The following FAT3 variants were observed in gnomAD, a reference collection of about 807,000 sequenced individuals.
FAT3 encodes protocadherin Fat 3.
In FAT3, 95 loss-of-function variants were observed where a neutral mutation model predicts 310.2. That is an observed-to-expected ratio of 0.31 (90% confidence interval 0.26 to 0.36). FAT3 has a LOEUF of 0.36. Ranked by LOEUF, FAT3 falls within the 10% of genes least tolerant of loss-of-function variation. The pLI, the probability that FAT3 is intolerant of heterozygous loss-of-function variation, is 1.00. For synonymous variants in FAT3, 2,314 were observed against 2,192.9 expected (o/e 1.06, Z -1.54); for missense variants, 5,408 against 5,715.6 (o/e 0.95, Z 1.74).
intron 7 of FAT3, among the ~76,000 whole-genome samples, chr11:92,788,709 AC>A (rs1436583211): frequency 1.3e-5 from 2 of 152,158 alleles, no homozygotes; most frequent in Admixed American, 6.5e-5. Flanking sequence ...AGGAAATTGA[AC>A]CTTAGCAAGC....
At position 92,354,677 on chromosome 11, in the gene FAT3, C is replaced by T. The variant is rs563685535; in HGVS notation, c.2565C>T (p.Ala855=). 2.5e-6 allele frequency: 4 copies of T among 1,613,806 alleles called. No individual in the cohort carries two copies. In the African/African-American group the frequency reaches 4.0e-5, roughly 16 times the overall value. The change falls in exon 2 of 28, where the codon GCC becomes GCT. Residue 855 remains alanine (A), a synonymous_variant. Transcript: ENST00000525166. ...GIGTEIIQVE[A]RDKDLGSNGE... The stretch of plus-strand genomic sequence containing the variant: ...GTACTGAAATCATTCAAGTGGAAGC[C>T]AGAGACAAAGACTTAGGTTCTAATG...
At position 92,890,977 on chromosome 11, in the gene FAT3, C is replaced by T. The variant is rs2136449318; in HGVS notation, c.13634C>T (p.Ser4545Leu). The T allele has an allele frequency of 1.2e-6, 2 of 1,613,938 alleles. No individual in the cohort carries two copies. Among genetic ancestry groups the T allele is most frequent in the Non-Finnish European group, 1.7e-6 (2 of 1,179,856 alleles). The change falls in exon 28 of 28, where the codon TCA (serine) becomes TTA (leucine). Residue 4545 changes from serine to leucine, a missense_variant. Ser to Leu is a moderately radical substitution (Grantham distance 145). Coordinates refer to ENST00000525166, the MANE Select transcript of FAT3 (RefSeq NM_001367949.2). Reference protein sequence around the residue: ...SLSLHNSRGTSSSDVSANCGF... With the variant: ...SLSLHNSRGTLSSDVSANCGF... ...TCCTTGCACAATTCCAGAGGCACCT[C>T]ATCCTCGGATGTGTCTGCCAACTGC...
chr11:92,731,432 A>G (rs1171379382), intron 4 of FAT3, among the ~76,000 whole-genome samples: 2 of 151,916 alleles, frequency 1.3e-5, no homozygotes, highest in African/African-American at 2.4e-5. Context: ...GTTGAGAAAT[A>G]TGGACCTAGA....
chr11:92,431,386 A>C (rs577446881), intron 2 of FAT3, among the ~76,000 whole-genome samples: 1 of 151,990 alleles, frequency 6.6e-6, no homozygotes, highest in South Asian at 2.1e-4. Context: ...AATTTGTTTG[A>C]GTTCATTGTA....
chr11:92,530,899 A>G (rs1486350261), intron 3 of FAT3, among the ~76,000 whole-genome samples: 1 of 92,148 alleles, frequency 1.1e-5, no homozygotes, highest in Non-Finnish European at 2.1e-5. Flanking sequence ...ATAGGGATTT[A>G]AAGAAAAAAA....
chr11:92,476,188 A>G (rs1167146378), intron 2 of FAT3, among the ~76,000 whole-genome samples: 1 of 152,106 alleles, frequency 6.6e-6, no homozygotes, highest in Non-Finnish European at 1.5e-5. Context: ...GACTTGGGAT[A>G]CGCATATCAA....
intron 3 of FAT3, among the ~76,000 whole-genome samples, chr11:92,592,881 T>G (rs73554403): frequency 0.011 from 1,707 of 152,246 alleles, 48 homozygotes; most frequent in African/African-American, 0.039. Flanking sequence ...TTCAGTAGTA[T>G]TACGTATATT....
rs1179077239 is a variant in FAT3 at position 92,698,577 on chromosome 11, G to A, written c.3669+1132G>A. Among the ~76,000 whole-genome samples the A allele has an allele frequency of 3.3e-5, 5 of 151,522 alleles. No individual in the cohort carries two copies. In the South Asian group the frequency reaches 6.3e-4, roughly 19 times the overall value. ...GTATTTTTAAAACTCTTAAAGCATT[G>A]GATATAATAAAGGATTATTATTATT... On this transcript the variant is annotated intron_variant, in intron 4 of 27. Coordinates refer to ENST00000525166, the MANE Select transcript of FAT3 (RefSeq NM_001367949.2).
At chr11:92,622,772 C>T (rs1015926207) in intron 3 of FAT3, among the ~76,000 whole-genome samples, 5 of 152,148 alleles carry the variant, frequency 3.3e-5, no homozygotes, top group Admixed American at 6.5e-5. Context: ...GTACTTTCTT[C>T]GTAAAGCCCC....
At chr11:92,559,383 C>CTTTTTT (rs386374501) in intron 3 of FAT3, 8 of 144,006 alleles carry the variant, frequency 5.6e-5, no homozygotes, top group South Asian at 4.7e-4. Flanking sequence ...ACTTATTTTC[C>CTTTTTT]TTTTTTTTTT....
intron 1 of FAT3, among the ~76,000 whole-genome samples, chr11:92,231,015 G>C (rs1219328311): frequency 6.6e-6 from 1 of 152,224 alleles, no homozygotes; most frequent in East Asian, 1.9e-4. Context: ...TATTCATGGG[G>C]CAGCCCAAAT....
intron 3 of FAT3, among the ~76,000 whole-genome samples, chr11:92,621,948 A>G (rs1565464526): frequency 6.6e-6 from 1 of 152,118 alleles, no homozygotes; most frequent in South Asian, 2.1e-4. Context: ...CATTTTAACA[A>G]CCCACGTAAT....
intron 22 of FAT3, among the ~76,000 whole-genome samples, chr11:92,871,835 G>A (rs1591836950): frequency 6.6e-6 from 1 of 152,240 alleles, no homozygotes; most frequent in East Asian, 1.9e-4. Flanking sequence ...CACACCCATT[G>A]TTTAAGAACC....
chr11:92,827,431 A>G (rs1050962074), intron 13 of FAT3, among the ~76,000 whole-genome samples: 1 of 152,170 alleles, frequency 6.6e-6, no homozygotes, highest in African/African-American at 2.4e-5. Flanking sequence ...TTAGACCTCA[A>G]CTGACCAGGG....
chr11:92,855,880 T>C (rs1948962470), intron 19 of FAT3, among the ~76,000 whole-genome samples: 1 of 152,138 alleles, frequency 6.6e-6, no homozygotes. Context: ...CTTATATTGC[T>C]CCTGTCAAGG....
At chr11:92,442,081 T>TTTTATA (rs1355599282) in intron 2 of FAT3, among the ~76,000 whole-genome samples, 4 of 69,992 alleles carry the variant, frequency 5.7e-5, no homozygotes, top group African/African-American at 2.5e-4. Context: ...AATATATATT[T>TTTTATA]TATATATATA....
At chr11:92,889,151 TC>T (rs755414621) in intron 25 of FAT3, 37 bp from the exon 26 acceptor site, 2 of 699,632 alleles carry the variant, frequency 2.9e-6, no homozygotes, top group Non-Finnish European at 5.3e-6. Flanking sequence ...CCTGAAGCTG[TC>T]CTTCCCCTAC....
At chr11:92,770,964 T>C (rs753917794) in intron 6 of FAT3, among the ~76,000 whole-genome samples, 3 of 152,224 alleles carry the variant, frequency 2.0e-5, no homozygotes, top group Non-Finnish European at 4.4e-5. Context: ...CTTTGTTTAC[T>C]CTATTACACC....
chr11:92,332,943 T>C (rs984929567), intron 1 of FAT3, among the ~76,000 whole-genome samples: 7 of 152,182 alleles, frequency 4.6e-5, no homozygotes, highest in Non-Finnish European at 2.9e-5. Flanking sequence ...GAAGTTGATC[T>C]CTGCTAGGTA....
Sources: allele counts gnomAD v4.1 joint callset (sites outside exome capture counted in the v4.1 genomes callset), GRCh38; gene constraint gnomAD v4.1.1; transcripts MANE v1.5; gene names NCBI Gene and HGNC (gene_info 2026-07-23, HGNC 2026-07-21).